ACBD6: variants seen among roughly 807,000 people sequenced by gnomAD.
ACBD6 encodes the protein acyl-CoA-binding domain-containing protein 6.
ACBD6 carries 28 observed loss-of-function variants against 37.2 expected under a neutral mutation model. That is an observed-to-expected ratio of 0.75 (90% CI 0.56 to 1.03). The LOEUF is 1.03. ACBD6 is among the 50% of genes least tolerant of loss of function. The pLI is 0.00. For missense variants in ACBD6, 340 were observed against 337.4 expected (o/e 1.01, Z -0.06); for synonymous variants, 113 against 126.8 (o/e 0.89, Z 0.73).
rs114507094 is a variant in ACBD6 at position 180,311,956 on chromosome 1, G to A, written c.694+2736C>T. ...GTGGAGCTTCTCACATTGTCATGTT[G>A]GAAGTCAGTCTCTGCCTTCATTATT... On this transcript the variant is annotated intron_variant, in intron 7 of 7. Coordinates refer to ENST00000367595, the MANE Select transcript of ACBD6 (RefSeq NM_032360.4). Among the ~76,000 whole-genome samples, 824 of 152,242 alleles carry A rather than the reference G, an allele frequency of 5.4e-3. 7 individuals carry two copies. The highest frequency in any genetic ancestry group is 0.019 in the African/African-American group (779 of 41,540).
At chr1:180,323,032 T>A (rs1651132449) in intron 6 of ACBD6, among the ~76,000 whole-genome samples, 3 of 151,944 alleles carry the variant, frequency 2.0e-5, no homozygotes. Flanking sequence ...TTTCACTGTA[T>A]CTTACAGGTT....
At chr1:180,353,620 T>C (rs1438318003) in intron 6 of ACBD6, among the ~76,000 whole-genome samples, 2 of 151,826 alleles carry the variant, frequency 1.3e-5, no homozygotes, top group East Asian at 1.9e-4. Flanking sequence ...CTCGGAGAAA[T>C]ATATTTTAAA....
At chr1:180,431,813 T>C (rs953597680) in intron 3 of ACBD6, among the ~76,000 whole-genome samples, 1 of 152,130 alleles carries the variant, frequency 6.6e-6, no homozygotes, top group Non-Finnish European at 1.5e-5. Context: ...GTGGCAAGCA[T>C]AGCTTCTTAA....
intron 6 of ACBD6, among the ~76,000 whole-genome samples, chr1:180,368,341 G>T (rs1425642318): frequency 6.6e-6 from 1 of 152,110 alleles, no homozygotes; most frequent in African/African-American, 2.4e-5. Context: ...TATTTACTCT[G>T]TTGACAGTTT....
chr1:180,433,109 A>C (rs535284753), intron 3 of ACBD6, among the ~76,000 whole-genome samples: 2 of 152,168 alleles, frequency 1.3e-5, no homozygotes, highest in Non-Finnish European at 2.9e-5. Flanking sequence ...AACTAAAACC[A>C]ATATCCCTGA....
intron 3 of ACBD6, among the ~76,000 whole-genome samples, chr1:180,464,032 T>C (rs914691563): frequency 6.6e-6 from 1 of 152,116 alleles, no homozygotes; most frequent in Non-Finnish European, 1.5e-5. Flanking sequence ...CTCAATAAAC[T>C]AGGTGTTGAA....
intron 3 of ACBD6, among the ~76,000 whole-genome samples, chr1:180,445,847 C>T (rs1019504773): frequency 1.3e-5 from 2 of 152,134 alleles, no homozygotes; most frequent in African/African-American, 4.8e-5. Flanking sequence ...GTATCCAATG[C>T]CACAGAAGTG....
intron 3 of ACBD6, among the ~76,000 whole-genome samples, chr1:180,450,624 G>A (rs529074834): frequency 4.1e-4 from 63 of 152,262 alleles, no homozygotes; most frequent in Admixed American, 3.9e-4. Flanking sequence ...GCCAGGCGTG[G>A]TGGCAGGCGC....
chr1:180,440,351 T>G (rs937573977), intron 3 of ACBD6, among the ~76,000 whole-genome samples: 5 of 152,136 alleles, frequency 3.3e-5, no homozygotes, highest in Admixed American at 6.6e-5. Flanking sequence ...TCAAGTGATC[T>G]GCCCATCTCA....
intron 6 of ACBD6, among the ~76,000 whole-genome samples, chr1:180,335,119 T>G (rs1404765629): frequency 6.6e-6 from 1 of 152,106 alleles, no homozygotes; most frequent in Non-Finnish European, 1.5e-5. Flanking sequence ...TTCCCCAAAC[T>G]AGCAAGGCAG....
At chr1:180,307,824 G>A (rs1269741439) in intron 7 of ACBD6, among the ~76,000 whole-genome samples, 1 of 152,098 alleles carries the variant, frequency 6.6e-6, no homozygotes, top group Non-Finnish European at 1.5e-5. Flanking sequence ...GTATGGTGGC[G>A]CATGCCTGTA....
At chr1:180,345,762 A>C (rs1652156124) in intron 6 of ACBD6, among the ~76,000 whole-genome samples, 1 of 152,208 alleles carries the variant, frequency 6.6e-6, no homozygotes, top group Non-Finnish European at 1.5e-5. Flanking sequence ...ATATAAAGCA[A>C]GCAATTAAAC....
At chr1:180,454,150 C>T (rs1427943140) in intron 3 of ACBD6, among the ~76,000 whole-genome samples, 1 of 152,128 alleles carries the variant, frequency 6.6e-6, no homozygotes, top group African/African-American at 2.4e-5. Context: ...GTAATGAAAA[C>T]AGCATGGTAC....
At chr1:180,345,783 T>C (rs1652156739) in intron 6 of ACBD6, among the ~76,000 whole-genome samples, 1 of 152,196 alleles carries the variant, frequency 6.6e-6, no homozygotes, top group Non-Finnish European at 1.5e-5. Context: ...CAAAAAGCAC[T>C]GTATATTTAA....
downstream of ACBD6, among the ~76,000 whole-genome samples, chr1:180,286,422 C>T (rs968023689): frequency 2.0e-5 from 3 of 152,156 alleles, no homozygotes; most frequent in Non-Finnish European, 4.4e-5. Context: ...TAGCTTCTTG[C>T]TCAAATACCC....
At chr1:180,291,034 T>G (rs1488467930) in intron 7 of ACBD6, among the ~76,000 whole-genome samples, 1 of 152,242 alleles carries the variant, frequency 6.6e-6, no homozygotes, top group Non-Finnish European at 1.5e-5. Flanking sequence ...TCTGGTCTCT[T>G]TCACTTAGCA....
intron 7 of ACBD6, among the ~76,000 whole-genome samples, chr1:180,300,983 G>C (rs568317096): frequency 4.6e-5 from 7 of 152,302 alleles, no homozygotes; most frequent in African/African-American, 1.4e-4. Flanking sequence ...TCTGGATGTA[G>C]AATCAGAAGA....
At position 180,360,264 on chromosome 1, in the gene ACBD6, C is replaced by T. The variant is rs151151066; in HGVS notation, c.663+37252G>A. ...AAAAACTGCCAATTAAGGAGACAAA[C>T]GTCCAAAAAATGCCCATCCACTCAA... On this transcript the variant is annotated intron_variant, in intron 6 of 7. Transcript: ENST00000367595. Among the ~76,000 whole-genome samples the T allele has an allele frequency of 4.8e-4, 73 of 152,260 alleles. 1 individual carries two copies. The East Asian group carries it at 0.013, about 27-fold the overall frequency.
intron 1 of ACBD6, among the ~76,000 whole-genome samples, chr1:180,496,183 A>C (rs1203583939): frequency 6.6e-6 from 1 of 152,194 alleles, no homozygotes; most frequent in Non-Finnish European, 1.5e-5. Context: ...TAAACTGCAC[A>C]GTGAAATTTT....
Sources: allele counts gnomAD v4.1 joint callset (sites outside exome capture counted in the v4.1 genomes callset), GRCh38; gene constraint gnomAD v4.1.1; transcripts MANE v1.5; gene names NCBI Gene and HGNC (gene_info 2026-07-23, HGNC 2026-07-21).